Variants in STS observed in about 807,000 individuals in gnomAD.
STS encodes steroid sulfatase.
In STS, 7 loss-of-function variants were observed where a neutral mutation model predicts 26.8. The observed-to-expected ratio is 0.26, with a 90% CI of 0.15 to 0.49. The LOEUF is 0.49. Among genes scored for constraint, STS ranks in the 20% least tolerant of loss-of-function variants. The pLI, the probability that STS is intolerant of heterozygous loss-of-function variation, is 0.98. For missense variants in STS, 434 were observed against 465.6 expected (o/e 0.93, Z 0.63); for synonymous variants, 199 against 189.4 (o/e 1.05, Z -0.42).
rs149113727 is a variant in STS, at chrX:7,279,807, C to G, written c.943+3720C>G. Among the ~76,000 whole-genome samples, 445 of 110,639 alleles carry G rather than the reference C, an allele frequency of 4.0e-3. 3 individuals are homozygous for G. Among genetic ancestry groups the G allele is most frequent in the African/African-American group, 0.014 (430 of 30,332 alleles). ...TTGAGGCTTCTTCGGTTTAGCATGT[C>G]AAAATGCAATCTTTGGGGATATCAG... On this transcript the variant is annotated intron_variant, in intron 7 of 10. Transcript: ENST00000674429.
Position 7,190,936 on chromosome X carries a change from G to T in STS, c.-77G>T. ...TAAGAGCCCCTCAGTTGCTGAACCT[G>T]CACACAGTCATCTCAGTAAGTTAAG... On this transcript the variant is annotated 5_prime_UTR_variant, in exon 2 of 11. Transcript: ENST00000674429. 2 of 749,093 alleles carry T rather than the reference G, an allele frequency of 2.7e-6. No individual in the cohort carries two copies. The highest frequency in any genetic ancestry group is 3.2e-6 in the Non-Finnish European group (2 of 634,815). The allele number at this position is 749,093 out of a possible 1,213,427, so 61.7% of individuals were successfully genotyped here. A position where few individuals can be genotyped will look rare whatever the true frequency, so the allele number is the denominator to read the frequency against.
At chrX:7,150,459 G>T (rs1211227574) in intron 1 of STS, among the ~76,000 whole-genome samples, 2 of 111,025 alleles carry the variant, frequency 1.8e-5, no homozygotes, top group African/African-American at 6.6e-5. Context: ...CTGACCTAGT[G>T]ATCTGCCCAC....
chrX:7,164,501 A>G (rs376113789), intron 1 of STS, among the ~76,000 whole-genome samples: 3 of 110,379 alleles, frequency 2.7e-5, no homozygotes, highest in South Asian at 3.9e-4. Flanking sequence ...TTGAGCCAGA[A>G]AAGCTGGGCA....
At chrX:7,185,637 A>G (rs1933759061) in intron 1 of STS, among the ~76,000 whole-genome samples, 1 of 112,642 alleles carries the variant, frequency 8.9e-6, no homozygotes, top group African/African-American at 3.2e-5. Context: ...TACATTTCAT[A>G]TTGAGGAAAA....
intron 2 of STS, among the ~76,000 whole-genome samples, chrX:7,235,790 AC>A (rs1922287388): frequency 9.0e-6 from 1 of 111,680 alleles, no homozygotes; most frequent in Admixed American, 9.5e-5. Context: ...CTTCTGAAAA[AC>A]ATAGGGAAAT....
At chrX:7,148,901 GTTTT>G (rs1451325654) in intron 1 of STS, among the ~76,000 whole-genome samples, 2 of 110,866 alleles carry the variant, frequency 1.8e-5, no homozygotes, top group Non-Finnish European at 3.8e-5. Context: ...GCTGCTCTGA[GTTTT>G]CTTTCTTTTT....
chrX:7,336,508 A>G (rs1157962896), intron 10 of STS, among the ~76,000 whole-genome samples: 1 of 112,048 alleles, frequency 8.9e-6, no homozygotes, highest in Non-Finnish European at 1.9e-5. Flanking sequence ...CAGTTTTCTC[A>G]TGATATGTTC....
At chrX:7,242,461 A>G (rs921660828) in intron 2 of STS, among the ~76,000 whole-genome samples, 4 of 108,895 alleles carry the variant, frequency 3.7e-5, no homozygotes, top group Non-Finnish European at 7.6e-5. Context: ...TTAGCTGGTC[A>G]TGGTGGTGTG....
chrX:7,242,324 A>T (rs2147070632), intron 2 of STS, among the ~76,000 whole-genome samples: 1 of 110,809 alleles, frequency 9.0e-6, no homozygotes, highest in South Asian at 3.8e-4. Flanking sequence ...AGTTAATAAT[A>T]ACTTAATATT....
chrX:7,171,778 C>T (rs1002902383), intron 1 of STS, among the ~76,000 whole-genome samples: 3 of 111,659 alleles, frequency 2.7e-5, no homozygotes, highest in South Asian at 7.5e-4. Flanking sequence ...CTTGTATATT[C>T]GATTAGATCC....
chrX:7,281,871 T>A (rs903501721), intron 7 of STS, among the ~76,000 whole-genome samples: 2 of 112,339 alleles, frequency 1.8e-5, no homozygotes, highest in Non-Finnish European at 3.8e-5. Context: ...GAATAACCCC[T>A]CTGTATATAG....
At chrX:7,207,440 G>A (rs1162734869) in intron 2 of STS, among the ~76,000 whole-genome samples, 1 of 112,239 alleles carries the variant, frequency 8.9e-6, no homozygotes, top group African/African-American at 3.2e-5. Flanking sequence ...TGGTGGTTAA[G>A]CTTTAACAAT....
At chrX:7,349,354 G>A (rs867996348) in intron 10 of STS, among the ~76,000 whole-genome samples, 2 of 27,769 alleles carry the variant, frequency 7.2e-5, no homozygotes, top group African/African-American at 2.9e-4. Context: ...TTTTTTTTTT[G>A]AGACAGAGTC....
chrX:7,247,569 A>G (rs994823938), intron 2 of STS, among the ~76,000 whole-genome samples: 18 of 112,393 alleles, frequency 1.6e-4, no homozygotes, highest in Non-Finnish European at 1.9e-4. Flanking sequence ...GCTAAGAGCT[A>G]TGTAGTTGAC....
chrX:7,274,271 G>A (rs1384206054), intron 6 of STS, among the ~76,000 whole-genome samples: 1 of 111,300 alleles, frequency 9.0e-6, no homozygotes, highest in Non-Finnish European at 1.9e-5. Flanking sequence ...GAAGCCATTG[G>A]GGAGTGGGCA....
At chrX:7,219,195 C>A (rs1163153019) in intron 2 of STS, among the ~76,000 whole-genome samples, 1 of 112,134 alleles carries the variant, frequency 8.9e-6, no homozygotes, top group African/African-American at 3.2e-5. Flanking sequence ...CCCTTAAACT[C>A]CCGTTCAGTC....
intron 6 of STS, among the ~76,000 whole-genome samples, chrX:7,266,252 A>G (rs1250522155): frequency 9.0e-6 from 1 of 111,687 alleles, no homozygotes; most frequent in Non-Finnish European, 1.9e-5. Flanking sequence ...TAAAACTCCT[A>G]CTTCTAAAAT....
intron 7 of STS, among the ~76,000 whole-genome samples, chrX:7,299,487 T>G (rs1196065765): frequency 2.8e-5 from 3 of 106,023 alleles, no homozygotes; most frequent in Non-Finnish European, 5.8e-5. Context: ...GTGTGTGTGT[T>G]ATATATAATA....
intron 2 of STS, among the ~76,000 whole-genome samples, chrX:7,238,988 CAT>C (rs768415392): frequency 8.1e-4 from 90 of 111,247 alleles, no homozygotes; most frequent in African/African-American, 2.8e-3. Context: ...CTTTTTTAAA[CAT>C]AATTTTTAAT....
Sources: allele counts gnomAD v4.1 joint callset (sites outside exome capture counted in the v4.1 genomes callset), GRCh38; gene constraint gnomAD v4.1.1; transcripts MANE v1.5; gene names NCBI Gene and HGNC (gene_info 2026-07-23, HGNC 2026-07-21).